NUMB: variants seen among roughly 807,000 people sequenced by gnomAD.
NUMB encodes NUMB endocytic adaptor protein, also known as protein numb homolog.
NUMB carries 29 observed loss-of-function variants against 59.7 expected under a neutral mutation model. That is an observed-to-expected ratio of 0.49 (90% CI 0.36 to 0.66). The LOEUF is 0.66. NUMB is among the 30% of genes least tolerant of loss of function. The pLI is 0.00. For synonymous variants in NUMB, 288 were observed against 288.2 expected, an observed-to-expected ratio of 1.00 and a Z score of 0.01; for missense variants, 723 against 822.0, an observed-to-expected ratio of 0.88 and a Z score of 1.47.
Position 73,279,285 on chromosome 14 carries a change from A to C in NUMB, c.1236T>G (p.Cys412Trp). 6.2e-7 allele frequency: 1 copy of C among 1,614,158 alleles called. No individual in the cohort carries two copies. Among genetic ancestry groups the C allele is most frequent in the Non-Finnish European group, 8.5e-7 (1 of 1,179,994 alleles). The change falls in exon 12 of 13, where the codon TGT becomes TGG. Residue 412 changes from cysteine (C) to tryptophan (W), a missense_variant. Transcript: ENST00000555238. The stretch of plus-strand genomic sequence containing the variant: ...CACCATCTGTGGCCACCTTACCCGA[A>C]CATGTGGCTGCAATTTCCTTGTTAG... ...DAANKEIAAT[C>W]SGTEWGQSSG...
chr14:73,443,067 G>C (rs1393773063), intron 1 of NUMB, among the ~76,000 whole-genome samples: 1 of 152,054 alleles, frequency 6.6e-6, no homozygotes, highest in African/African-American at 2.4e-5. Flanking sequence ...TCACCATGAT[G>C]ACCAGACTGA....
At chr14:73,354,298 C>G (rs1257496562) in intron 4 of NUMB, among the ~76,000 whole-genome samples, 1 of 151,900 alleles carries the variant, frequency 6.6e-6, no homozygotes, top group Non-Finnish European at 1.5e-5. Flanking sequence ...CACTTGAGGT[C>G]AGGAGTTCAA....
intron 4 of NUMB, among the ~76,000 whole-genome samples, chr14:73,350,060 TATACATACATAC>T (rs199905122): frequency 7.0e-6 from 1 of 142,970 alleles, no homozygotes; most frequent in South Asian, 2.3e-4. Context: ...TACATACATA[TATACATACATAC>T]ATACATACAC....
intron 2 of NUMB, among the ~76,000 whole-genome samples, chr14:73,384,924 G>A (rs1476025987): frequency 6.5e-5 from 8 of 122,200 alleles, no homozygotes; most frequent in East Asian, 3.0e-4. Context: ...ACGGAGTTTC[G>A]CTCTTGCTGC....
Position 73,279,432 on chromosome 14 carries a change from G to C in NUMB, c.1097-8C>G. 6.4e-7 allele frequency: 1 copy of C among 1,568,636 alleles called. No homozygotes were observed. The highest frequency in any genetic ancestry group is 2.2e-5 in the East Asian group (1 of 44,460). ...CTGAGTCAGTGCCATTAGCTACAAC[G>C]GGAGCAGACAACATCAATGGAGTTA... On this transcript the variant is annotated splice_polypyrimidine_tract_variant and splice_region_variant and intron_variant, in intron 11 of 12. Transcript: ENST00000555238.
chr14:73,314,289 CTTA>C (rs1245223513), intron 6 of NUMB, among the ~76,000 whole-genome samples: 4 of 152,146 alleles, frequency 2.6e-5, no homozygotes, highest in Non-Finnish European at 4.4e-5. Context: ...TTTTTTACCA[CTTA>C]TTATAAATAT....
intron 11 of NUMB, among the ~76,000 whole-genome samples, chr14:73,281,980 G>A (rs1287707039): frequency 6.6e-6 from 1 of 152,194 alleles, no homozygotes; most frequent in African/African-American, 2.4e-5. Flanking sequence ...CTTTGCCCCA[G>A]TTGAGAACCA....
intron 6 of NUMB, among the ~76,000 whole-genome samples, chr14:73,303,174 C>T (rs916046715): frequency 5.9e-5 from 9 of 151,870 alleles, no homozygotes; most frequent in Admixed American, 2.6e-4. Flanking sequence ...GCTGAGATCG[C>T]ACCATTGCAC....
Position 73,430,944 on chromosome 14 carries a change from CAA to C in NUMB, c.-232-20878_-232-20877del, listed in dbSNP as rs202099636. 9.3e-5 allele frequency among the ~76,000 whole-genome samples: 13 copies of C among 139,602 alleles called. 1 individual carries two copies. In the East Asian group the frequency reaches 2.8e-3, roughly 30 times the overall value. The allele number at this position is 139,602 out of a possible 152,430, so 91.6% of individuals were successfully genotyped here. On this transcript the variant is annotated intron_variant, in intron 1 of 12. Coordinates refer to ENST00000555238, the MANE Select transcript of NUMB (RefSeq NM_001005743.2). ...TGGGTGACGGAGCCAGACTCCATCT[CAA>C]AAAAAAAAAAGTTTTTGAATTTTGT... is the stretch of plus-strand genomic sequence containing the variant.
At chr14:73,353,238 C>T (rs1893562327) in intron 4 of NUMB, among the ~76,000 whole-genome samples, 1 of 150,978 alleles carries the variant, frequency 6.6e-6, no homozygotes. Context: ...GCAAGCACTA[C>T]CATGCCCAGC....
chr14:73,310,111 TAAATC>T (rs913419305), intron 6 of NUMB, among the ~76,000 whole-genome samples: 6 of 152,074 alleles, frequency 3.9e-5, no homozygotes, highest in Non-Finnish European at 8.8e-5. Context: ...CAAAGAAAAA[TAAATC>T]AAAGTGACAT....
chr14:73,377,148 A>C (rs987476629), intron 2 of NUMB, among the ~76,000 whole-genome samples: 1 of 152,248 alleles, frequency 6.6e-6, no homozygotes, highest in Non-Finnish European at 1.5e-5. Flanking sequence ...ATAACATAGG[A>C]TAACATCTAG....
chr14:73,432,064 C>A (rs1026786705), intron 1 of NUMB, among the ~76,000 whole-genome samples: 2 of 152,064 alleles, frequency 1.3e-5, no homozygotes, highest in Non-Finnish European at 2.9e-5. Context: ...CTTTGTTATT[C>A]ATAAGCCCTT....
intron 5 of NUMB, among the ~76,000 whole-genome samples, chr14:73,319,118 C>T (rs1891253186): frequency 6.6e-6 from 1 of 152,018 alleles, no homozygotes; most frequent in Admixed American, 6.6e-5. Flanking sequence ...ATACAATTAG[C>T]TGAGTGTGGT....
At chr14:73,385,739 T>C (rs961185730) in intron 2 of NUMB, among the ~76,000 whole-genome samples, 5 of 151,986 alleles carry the variant, frequency 3.3e-5, no homozygotes, top group African/African-American at 1.2e-4. Context: ...TGGCCTCAAG[T>C]GATCCACCAG....
chr14:73,302,636 TC>T (rs1457563793), intron 6 of NUMB, among the ~76,000 whole-genome samples: 1 of 151,674 alleles, frequency 6.6e-6, no homozygotes, highest in African/African-American at 2.4e-5. Flanking sequence ...GGTCTCGAAC[TC>T]CTGACCTCAG....
chr14:73,448,313 C>A (rs1219804452), intron 1 of NUMB, among the ~76,000 whole-genome samples: 2 of 152,070 alleles, frequency 1.3e-5, no homozygotes, highest in Non-Finnish European at 2.9e-5. Context: ...AAATTGTACA[C>A]CTTTCATCAG....
intron 1 of NUMB, among the ~76,000 whole-genome samples, chr14:73,437,002 A>G (rs1177812770): frequency 1.3e-5 from 2 of 149,226 alleles, no homozygotes; most frequent in African/African-American, 4.9e-5. Flanking sequence ...AAAAAAAGAA[A>G]CTCTTAAATA....
intron 2 of NUMB, among the ~76,000 whole-genome samples, chr14:73,386,700 A>G (rs554237321): frequency 6.6e-6 from 1 of 152,108 alleles, no homozygotes; most frequent in South Asian, 2.1e-4. Context: ...TTCCCATTCA[A>G]CATTTGTTCT....
Sources: gnomAD v4.1 joint callset for allele counts (sites outside exome capture counted in the v4.1 genomes callset) on GRCh38, gnomAD v4.1.1 for gene constraint, MANE v1.5 for transcripts, NCBI Gene and HGNC (gene_info 2026-07-23, HGNC 2026-07-21) for gene names.